Variants in KLF8 observed in about 807,000 individuals in gnomAD.
KLF8 encodes the protein Krueppel-like factor 8.
KLF8 carries 10 observed loss-of-function variants against 18.2 expected under a neutral mutation model. The observed-to-expected ratio is 0.55, with a 90% CI of 0.34 to 0.93. The LOEUF is 0.93. Ranked by LOEUF, KLF8 falls within the 40% of genes least tolerant of loss-of-function variation. KLF8 has a pLI of 0.02. For missense variants in KLF8, 264 were observed against 277.9 expected (o/e 0.95, Z 0.36); for synonymous variants, 109 against 97.3 (o/e 1.12, Z -0.71).
At chrX:56,132,596 T>A in the KLF8 span, among the ~76,000 whole-genome samples, 13,678 of 108,029 alleles carry the variant, frequency 0.13, 1,545 homozygotes, top group African/African-American at 0.37. Context: ...TAAGAACAAA[T>A]CTTAAACCCA....
the KLF8 span, among the ~76,000 whole-genome samples, chrX:55,995,122 C>T: frequency 8.9e-6 from 1 of 111,971 alleles, no homozygotes; most frequent in Non-Finnish European, 1.9e-5. Flanking sequence ...ATAGTTAGGT[C>T]TTGTTGAATG....
At chrX:56,198,981 A>C in the KLF8 span, among the ~76,000 whole-genome samples, 2 of 111,678 alleles carry the variant, frequency 1.8e-5, no homozygotes, top group African/African-American at 3.3e-5. Context: ...CCAAAACAAG[A>C]AATGGGGAAA....
In KLF8 at chrX:56,284,877, ACTCTTATCCATATGTTTTTAAAATAAGT is replaced by A; in HGVS notation, c.*384_*411del. Reference sequence around the variant, plus strand: ...TCCAATTTTTCTCTTGTTTTCTAGAACTCTTATCCATATGTTTTTAAAATAAGTACCTAAAAGTGGTTTGATAGTGTCC... The same window carrying A: ...TCCAATTTTTCTCTTGTTTTCTAGAAACCTAAAAGTGGTTTGATAGTGTCC... On this transcript the variant is annotated 3_prime_UTR_variant, in exon 6 of 6. Coordinates refer to ENST00000468660, the MANE Select transcript of KLF8 (RefSeq NM_007250.5). 1 of 136,958 alleles carries A rather than the reference ACTCTTATCCATATGTTTTTAAAATAAGT, an allele frequency of 7.3e-6. No individual in the cohort carries two copies. The highest frequency in any genetic ancestry group is 1.4e-5 in the Non-Finnish European group (1 of 70,422). The allele number at this position is 136,958 out of a possible 1,213,427, so 11.3% of individuals were successfully genotyped here. A position where few individuals can be genotyped will look rare whatever the true frequency, so the allele number is the denominator to read the frequency against.
chrX:56,132,567 C>T, the KLF8 span, among the ~76,000 whole-genome samples: 4 of 110,777 alleles, frequency 3.6e-5, no homozygotes, highest in Non-Finnish European at 7.6e-5. Flanking sequence ...TGAGGTCACA[C>T]TTCAAGAAAT....
At chrX:56,193,618 T>C in the KLF8 span, among the ~76,000 whole-genome samples, 202 of 112,256 alleles carry the variant, frequency 1.8e-3, no homozygotes, top group African/African-American at 6.1e-3. Context: ...ATATACACAA[T>C]TGAGTATTAT....
the KLF8 span, among the ~76,000 whole-genome samples, chrX:56,124,152 A>C: frequency 8.9e-6 from 1 of 111,856 alleles, no homozygotes; most frequent in Non-Finnish European, 1.9e-5. Context: ...AAACAAATGA[A>C]ATGTAGGCTT....
At chrX:56,058,564 C>T in the KLF8 span, among the ~76,000 whole-genome samples, 4 of 99,941 alleles carry the variant, frequency 4.0e-5, no homozygotes, top group African/African-American at 1.4e-4. Flanking sequence ...CACGTCTTCT[C>T]ATTGTTCAAC....
chrX:55,945,438 G>A, the KLF8 span, among the ~76,000 whole-genome samples: 1 of 111,085 alleles, frequency 9.0e-6, no homozygotes, highest in African/African-American at 3.3e-5. Flanking sequence ...GGGTGTTAAA[G>A]TCTCCCATTA....
chrX:55,993,304 GT>G, the KLF8 span, among the ~76,000 whole-genome samples: 1 of 111,867 alleles, frequency 8.9e-6, no homozygotes, highest in African/African-American at 3.3e-5. Flanking sequence ...GGTTTCTAAC[GT>G]AAAGGGATGT....
the KLF8 span, among the ~76,000 whole-genome samples, chrX:56,055,531 A>T: frequency 9.0e-6 from 1 of 111,290 alleles, no homozygotes; most frequent in Non-Finnish European, 1.9e-5. Context: ...GAATCTGATG[A>T]TTATGTTGCT....
the KLF8 span, among the ~76,000 whole-genome samples, chrX:56,128,417 G>A: frequency 3.0e-4 from 33 of 111,154 alleles, no homozygotes; most frequent in African/African-American, 1.0e-3. Flanking sequence ...ACCAGCTTTG[G>A]GTAAAATTGT....
chrX:55,914,332 G>C, the KLF8 span, among the ~76,000 whole-genome samples: 1 of 111,768 alleles, frequency 8.9e-6, no homozygotes, highest in Non-Finnish European at 1.9e-5. Context: ...TACAGCCTGG[G>C]TATACAAAAA....
chrX:56,131,049 C>T, the KLF8 span, among the ~76,000 whole-genome samples: 1 of 111,309 alleles, frequency 9.0e-6, no homozygotes. Flanking sequence ...GAAATCTAAA[C>T]GTTAGGAAAA....
chrX:56,001,678 A>T, the KLF8 span, among the ~76,000 whole-genome samples: 29 of 111,698 alleles, frequency 2.6e-4, no homozygotes, highest in Admixed American at 2.1e-3. Flanking sequence ...TTGCTCTTCA[A>T]CCTCATAGTC....
At chrX:56,239,590 T>A (rs1272637810) in intron 1 of KLF8, among the ~76,000 whole-genome samples, 1 of 111,832 alleles carries the variant, frequency 8.9e-6, no homozygotes, top group Non-Finnish European at 1.9e-5. Context: ...ACATAATATC[T>A]ACTACAGTGT....
chrX:56,106,117 T>A, the KLF8 span, among the ~76,000 whole-genome samples: 1 of 111,506 alleles, frequency 9.0e-6, no homozygotes, highest in Non-Finnish European at 1.9e-5. Context: ...CCTTTTTGCA[T>A]AACCTGACAT....
chrX:56,216,756 T>G, the KLF8 span, among the ~76,000 whole-genome samples: 1 of 110,297 alleles, frequency 9.1e-6, no homozygotes, highest in Non-Finnish European at 1.9e-5. Flanking sequence ...TTATACTACA[T>G]GTCCTCTTGC....
At chrX:55,910,435 T>C in the KLF8 span, among the ~76,000 whole-genome samples, 6 of 111,137 alleles carry the variant, frequency 5.4e-5, no homozygotes, top group South Asian at 1.9e-3. Flanking sequence ...TTTTAAAGAA[T>C]ATATCTGAAT....
the KLF8 span, among the ~76,000 whole-genome samples, chrX:55,956,169 C>CTATCTATCATCT: frequency 7.3e-5 from 6 of 81,857 alleles, no homozygotes; most frequent in Admixed American, 2.3e-4. Context: ...ATCTATCTAT[C>CTATCTATCATCT]ATCTATCTAT....
Sources: allele counts gnomAD v4.1 joint callset (sites outside exome capture counted in the v4.1 genomes callset), GRCh38; gene constraint gnomAD v4.1.1; transcripts MANE v1.5; gene names NCBI Gene and HGNC (gene_info 2026-07-23, HGNC 2026-07-21).